Variants in ENTREP2 observed in about 807,000 individuals in gnomAD.
ENTREP2 encodes protein ENTREP2.
At chr15:29,657,092 C>G in the ENTREP2 span, among the ~76,000 whole-genome samples, 1 of 152,142 alleles carries the variant, frequency 6.6e-6, no homozygotes, top group Non-Finnish European at 1.5e-5. Flanking sequence ...CTGTTCCTCA[C>G]GCCAGAGGGC....
At chr15:29,202,626 T>TCC in the ENTREP2 span, among the ~76,000 whole-genome samples, 1 of 152,142 alleles carries the variant, frequency 6.6e-6, no homozygotes, top group South Asian at 2.1e-4. Context: ...CCTAATGTTC[T>TCC]CCCTCCCCTT....
At chr15:29,289,216 A>G in the ENTREP2 span, among the ~76,000 whole-genome samples, 10 of 151,986 alleles carry the variant, frequency 6.6e-5, no homozygotes, top group African/African-American at 9.7e-5. Context: ...CAAAAAAAAA[A>G]AAAAGAAAAA....
chr15:29,672,243 C>T, the ENTREP2 span, among the ~76,000 whole-genome samples: 1 of 152,144 alleles, frequency 6.6e-6, no homozygotes, highest in South Asian at 2.1e-4. Context: ...CCGCCTTGGC[C>T]TCCCAAAGTG....
the ENTREP2 span, chr15:29,136,339 G>A: frequency 1.4e-6 from 2 of 1,475,000 alleles, no homozygotes; most frequent in Non-Finnish European, 1.8e-6. Flanking sequence ...CACGGGAACT[G>A]GCTTTGTCTG....
the ENTREP2 span, among the ~76,000 whole-genome samples, chr15:29,397,865 G>A: frequency 2.8e-3 from 432 of 152,228 alleles, 5 homozygotes; most frequent in African/African-American, 9.8e-3. Context: ...TCACAAACCT[G>A]TAAAATATCA....
chr15:29,133,949 T>C, the ENTREP2 span, among the ~76,000 whole-genome samples: 1 of 150,652 alleles, frequency 6.6e-6, no homozygotes, highest in Non-Finnish European at 1.5e-5. Context: ...CTCTGAGCCT[T>C]TGCACAGGCT....
At chr15:29,224,209 C>T in the ENTREP2 span, among the ~76,000 whole-genome samples, 15 of 152,074 alleles carry the variant, frequency 9.9e-5, no homozygotes, top group Middle Eastern at 6.8e-3. Flanking sequence ...CTCAAATCGG[C>T]GCGTCTGGAG....
At chr15:29,538,071 A>T in the ENTREP2 span, among the ~76,000 whole-genome samples, 1 of 152,216 alleles carries the variant, frequency 6.6e-6, no homozygotes, top group East Asian at 1.9e-4. Context: ...TTTATGTGGC[A>T]TGTTCATTGT....
the ENTREP2 span, among the ~76,000 whole-genome samples, chr15:29,634,258 C>T: frequency 6.6e-6 from 1 of 152,066 alleles, no homozygotes; most frequent in Non-Finnish European, 1.5e-5. Flanking sequence ...ACCCCACTTG[C>T]CCTGTGGGGT....
chr15:29,227,278 C>T, the ENTREP2 span, among the ~76,000 whole-genome samples: 7 of 152,202 alleles, frequency 4.6e-5, no homozygotes, highest in Non-Finnish European at 1.0e-4. Context: ...GCACCCAGAA[C>T]CCTCATGGCT....
chr15:29,133,607 C>G, the ENTREP2 span, among the ~76,000 whole-genome samples: 6 of 152,210 alleles, frequency 3.9e-5, no homozygotes. Context: ...AGCACCTGAC[C>G]CATTGCTTTC....
At chr15:29,446,930 T>G in the ENTREP2 span, among the ~76,000 whole-genome samples, 7 of 152,302 alleles carry the variant, frequency 4.6e-5, no homozygotes, top group African/African-American at 1.7e-4. Flanking sequence ...CTTCCACTTA[T>G]GGGACTTTCT....
chr15:29,598,897 C>A, the ENTREP2 span, among the ~76,000 whole-genome samples: 1 of 152,106 alleles, frequency 6.6e-6, no homozygotes, highest in Admixed American at 6.5e-5. Context: ...GGGGTTTCAC[C>A]GTGTTAGCCA....
the ENTREP2 span, among the ~76,000 whole-genome samples, chr15:29,517,915 A>G: frequency 6.6e-6 from 1 of 152,214 alleles, no homozygotes; most frequent in Non-Finnish European, 1.5e-5. Context: ...CCATTACCTC[A>G]CATAGCTCTG....
At chr15:29,367,434 T>C in the ENTREP2 span, among the ~76,000 whole-genome samples, 1 of 152,208 alleles carries the variant, frequency 6.6e-6, no homozygotes, top group African/African-American at 2.4e-5. Flanking sequence ...GGGGTGACTG[T>C]CAAATACATT....
chr15:29,285,639 G>A, the ENTREP2 span, among the ~76,000 whole-genome samples: 1 of 152,126 alleles, frequency 6.6e-6, no homozygotes, highest in African/African-American at 2.4e-5. Context: ...AACATTTGAA[G>A]AAGAAATAAC....
the ENTREP2 span, among the ~76,000 whole-genome samples, chr15:29,187,339 G>A: frequency 1.3e-5 from 2 of 151,828 alleles, no homozygotes; most frequent in East Asian, 1.9e-4. Context: ...GCAGTGGTGC[G>A]ATCTCTGCTC....
At chr15:29,494,968 AT>A in the ENTREP2 span, among the ~76,000 whole-genome samples, 7,031 of 152,198 alleles carry the variant, frequency 0.046, 516 homozygotes, top group African/African-American at 0.16. Context: ...GGTTGTTCCC[AT>A]TATCTTGGCT....
chr15:29,502,557 A>G, the ENTREP2 span, among the ~76,000 whole-genome samples: 2 of 152,014 alleles, frequency 1.3e-5, no homozygotes, highest in African/African-American at 4.8e-5. Flanking sequence ...AGGACACTGA[A>G]AGCATGTGTG....
Sources: allele counts gnomAD v4.1 joint callset (sites outside exome capture counted in the v4.1 genomes callset), GRCh38; gene constraint gnomAD v4.1.1; transcripts MANE v1.5; gene names NCBI Gene and HGNC (gene_info 2026-07-23, HGNC 2026-07-21).